Variants in NCOR1 observed in about 807,000 individuals in gnomAD.
The protein encoded by NCOR1 is nuclear receptor corepressor 1.
In NCOR1, 63 loss-of-function variants were observed where a neutral mutation model predicts 288.1. The ratio of observed to expected loss-of-function variants is 0.22; its 90% CI spans 0.18 to 0.27. The LOEUF is 0.27. NCOR1 is among the 10% of genes least tolerant of loss of function. NCOR1 has a pLI of 1.00. For missense variants in NCOR1, 2,397 were observed against 3,019.2 expected (o/e 0.79, Z 4.83); for synonymous variants, 1,007 against 1,065.9 (o/e 0.94, Z 1.08).
At position 16,032,228 on chromosome 17, in the gene NCOR1, T is replaced by C. The variant is rs1184778771; in HGVS notation, c.*68A>G. ...ACAGGAGGGCAGGTTTTTGACCTGC[T>C]ACTAAAAATTAAACCACAAAAACTA... On this transcript the variant is annotated 3_prime_UTR_variant, in exon 46 of 46. Coordinates refer to ENST00000268712, the MANE Select transcript of NCOR1 (RefSeq NM_006311.4). The C allele has an allele frequency of 6.9e-7, 1 of 1,448,428 alleles. No homozygotes were observed. The highest frequency in any genetic ancestry group is 2.8e-5 in the East Asian group (1 of 35,900). 89.7% of individuals were successfully genotyped at this position (1,448,428 alleles called of 1,614,324 possible).
chr17:16,181,781 A>G (rs1035742725), intron 3 of NCOR1, among the ~76,000 whole-genome samples: 1 of 152,234 alleles, frequency 6.6e-6, no homozygotes, highest in Non-Finnish European at 1.5e-5. Flanking sequence ...GGATATGGTC[A>G]GTACCAACTA....
chr17:16,127,176 T>TATATCTGTATGTATATATACATGTATGC (rs2074257890), intron 14 of NCOR1, among the ~76,000 whole-genome samples: 1 of 48,102 alleles, frequency 2.1e-5, no homozygotes, highest in Admixed American at 2.1e-4. Context: ...TACATGTATG[T>TATATCTGTATGTATATATACATGTATGC]ATATATCTGT....
intron 27 of NCOR1, among the ~76,000 whole-genome samples, chr17:16,074,961 G>A (rs903930461): frequency 1.3e-5 from 2 of 152,086 alleles, no homozygotes; most frequent in Admixed American, 6.6e-5. Flanking sequence ...TCTGCCTCCC[G>A]GGTTCACGCC....
In NCOR1 at chr17:16,032,459, G is replaced by T. The variant is rs1301919715; in HGVS notation, c.7160C>A (p.Pro2387His). ...STGSTQFPYNPLTMRMLSSTP... is the reference protein window; with the variant it reads ...STGSTQFPYNHLTMRMLSSTP... ...ACTGCTGAGCATCCGCATAGTCAGA[G>T]GGTTATAAGGAAACTGAGTTGAGCC... Residue 2387 changes from proline (P) to histidine (H), a missense_variant, in exon 46 of 46, where the codon CCT becomes CAT. By Grantham distance (77) the Pro-to-His change is moderately conservative (BLOSUM62 -2). This residue lies in a region of NCOR1 where 1,872 missense variants were observed against 2,187.8 expected (regional missense o/e 0.86). Transcript: ENST00000268712. 1 of 1,596,150 alleles carries T rather than the reference G, an allele frequency of 6.3e-7. No homozygotes were observed. Among genetic ancestry groups the T allele is most frequent in the Non-Finnish European group, 8.5e-7 (1 of 1,172,972 alleles).
chr17:16,097,105 CTT>C (rs2066771236), intron 21 of NCOR1, among the ~76,000 whole-genome samples: 1 of 152,120 alleles, frequency 6.6e-6, no homozygotes, highest in Non-Finnish European at 1.5e-5. Flanking sequence ...CTCCCAAAGA[CTT>C]TTTTTGTTCC....
intron 22 of NCOR1, chr17:16,087,261 G>C: frequency 3.1e-6 from 4 of 1,304,244 alleles, no homozygotes; most frequent in Non-Finnish European, 4.0e-6. Flanking sequence ...CGGTGAGGCT[G>C]ACCTTGCTGC....
chr17:16,204,800 A>T (rs1445409519), intron 1 of NCOR1, among the ~76,000 whole-genome samples: 2 of 152,252 alleles, frequency 1.3e-5, no homozygotes, highest in African/African-American at 4.8e-5. Context: ...ACAAATAAGG[A>T]AATTAAGGTG....
intron 5 of NCOR1, among the ~76,000 whole-genome samples, chr17:16,162,894 T>A (rs916196311): frequency 6.6e-6 from 1 of 152,134 alleles, no homozygotes; most frequent in Non-Finnish European, 1.5e-5. Context: ...CAACATGTAG[T>A]TTCCAGTGGA....
At position 16,068,101 on chromosome 17, in the gene NCOR1, A is replaced by G; in HGVS notation, c.4534T>C (p.Ser1512Pro). Residue 1512 changes from serine (S) to proline (P), a missense_variant, in exon 32 of 46, where the codon TCT (serine) becomes CCT (proline). Ser to Pro is a moderately conservative substitution (Grantham distance 74). Transcript: ENST00000268712. ...GTCGATTTCCTTTCATGATTGGTAG[A>G]CTTGTTAGAAGAAATTGTAACTGGA... is the stretch of plus-strand genomic sequence containing the variant. ...TSDVTISSNK[S>P]TNHERKSTLT... 1 of 1,611,932 alleles carries G rather than the reference A, an allele frequency of 6.2e-7. No homozygotes were observed. The highest frequency in any genetic ancestry group is 8.5e-7 in the Non-Finnish European group (1 of 1,178,718).
intron 14 of NCOR1, among the ~76,000 whole-genome samples, chr17:16,133,189 G>C (rs974779859): frequency 1.3e-5 from 2 of 152,068 alleles, no homozygotes; most frequent in Non-Finnish European, 2.9e-5. Context: ...GGCTGGTCTC[G>C]AATTCCTGAC....
chr17:16,063,315 G>T (rs1245094024), intron 35 of NCOR1, among the ~76,000 whole-genome samples: 2 of 151,924 alleles, frequency 1.3e-5, no homozygotes, highest in Admixed American at 6.6e-5. Flanking sequence ...GAGTAGCTAG[G>T]ACTACAGGTG....
chr17:16,091,636 T>G, intron 22 of NCOR1: 1 of 1,366,580 alleles, frequency 7.3e-7, no homozygotes, highest in Non-Finnish European at 9.5e-7. Context: ...ATCAGAAAAT[T>G]CACATTAACT....
intron 27 of NCOR1, 109 bp downstream of exon 27, chr17:16,075,425 C>T: frequency 1.6e-6 from 2 of 1,234,302 alleles, no homozygotes; most frequent in South Asian, 1.4e-5. Context: ...AAAACATAGG[C>T]TCAGCAAAGA....
chr17:16,199,520 C>T (rs1411506458), intron 1 of NCOR1, among the ~76,000 whole-genome samples: 1 of 152,094 alleles, frequency 6.6e-6, no homozygotes, highest in Non-Finnish European at 1.5e-5. Context: ...TTTCAGTCTC[C>T]CCCTGCCCTT....
intron 3 of NCOR1, among the ~76,000 whole-genome samples, chr17:16,179,070 C>T (rs1196141548): frequency 6.6e-6 from 1 of 151,876 alleles, no homozygotes; most frequent in African/African-American, 2.4e-5. Flanking sequence ...GTCACTGCAC[C>T]CCAGCCTGTG....
chr17:16,061,010 A>G (rs1255578757), intron 37 of NCOR1, among the ~76,000 whole-genome samples: 1 of 152,200 alleles, frequency 6.6e-6, no homozygotes, highest in African/African-American at 2.4e-5. Context: ...GTGTCTTAGA[A>G]AAAGGATATT....
chr17:16,104,935 G>C (rs73280237), intron 19 of NCOR1, among the ~76,000 whole-genome samples: 4,769 of 152,252 alleles, frequency 0.031, 251 homozygotes, highest in African/African-American at 0.11. Context: ...GTGGGGAAGA[G>C]CATCCCAGGT....
intron 8 of NCOR1, chr17:16,151,602 C>T (rs1468752457): frequency 7.4e-7 from 1 of 1,343,130 alleles, no homozygotes; most frequent in Admixed American, 2.2e-5. Flanking sequence ...CATCATGCGC[C>T]TTGCAGGTAC....
At chr17:16,188,480 G>A (rs178817) in intron 2 of NCOR1, among the ~76,000 whole-genome samples, 63,299 of 151,276 alleles carry the variant, frequency 0.42, 15,054 homozygotes, top group Middle Eastern at 0.55. Context: ...GCGTGGTGGC[G>A]TGCTCCTGTA....
Sources: gnomAD v4.1 joint callset for allele counts (sites outside exome capture counted in the v4.1 genomes callset) on GRCh38, gnomAD v4.1.1 for gene constraint, gnomAD v4.1.1 regional missense constraint, MANE v1.5 for transcripts, NCBI Gene and HGNC (gene_info 2026-07-23, HGNC 2026-07-21) for gene names.